Variants in DPP6 observed in about 807,000 individuals in gnomAD.
DPP6 encodes the protein A-type potassium channel modulatory protein DPP6.
In DPP6, 69 loss-of-function variants were observed where a neutral mutation model predicts 122.6. That is an observed-to-expected ratio of 0.56 (90% CI 0.46 to 0.69). The LOEUF is 0.69. Ranked by LOEUF, DPP6 falls within the 30% of genes least tolerant of loss-of-function variation. The pLI, the probability that DPP6 is intolerant of heterozygous loss-of-function variation, is 0.00. For synonymous variants in DPP6, 418 were observed against 433.1 expected, an observed-to-expected ratio of 0.97 and a Z score of 0.43; for missense variants, 928 against 1,116.9, an observed-to-expected ratio of 0.83 and a Z score of 2.41.
chr7:154,159,646 T>G (rs1470170696), intron 1 of DPP6, among the ~76,000 whole-genome samples: 2 of 152,292 alleles, frequency 1.3e-5, no homozygotes, highest in African/African-American at 4.8e-5. Flanking sequence ...AGACATGAAC[T>G]TGCGCACAAA....
intron 3 of DPP6, among the ~76,000 whole-genome samples, chr7:154,484,198 G>A (rs924551179): frequency 6.6e-6 from 1 of 152,070 alleles, no homozygotes; most frequent in African/African-American, 2.4e-5. Flanking sequence ...CCAGAAGCAG[G>A]GTGAAAGACG....
At chr7:154,341,095 A>G (rs1016695047) in intron 1 of DPP6, among the ~76,000 whole-genome samples, 2 of 152,232 alleles carry the variant, frequency 1.3e-5, no homozygotes, top group African/African-American at 4.8e-5. Context: ...CTTGTAATCA[A>G]TCACACTTAA....
At chr7:153,869,857 A>T in the DPP6 span, among the ~76,000 whole-genome samples, 1 of 152,102 alleles carries the variant, frequency 6.6e-6, no homozygotes, top group Non-Finnish European at 1.5e-5. Context: ...TGGTGACAAA[A>T]TCTCTCAGCA....
At chr7:154,549,216 G>A (rs1205246725) in intron 4 of DPP6, among the ~76,000 whole-genome samples, 4 of 152,206 alleles carry the variant, frequency 2.6e-5, no homozygotes, top group Non-Finnish European at 5.9e-5. Flanking sequence ...CAACAAAGTT[G>A]GACATGTTCC....
At chr7:154,738,774 G>T (rs1383219741) in intron 8 of DPP6, among the ~76,000 whole-genome samples, 1 of 152,228 alleles carries the variant, frequency 6.6e-6, no homozygotes, top group African/African-American at 2.4e-5. Flanking sequence ...CACAACTTAG[G>T]CTTTGCAGCC....
At chr7:154,369,459 C>G (rs1449663509) in intron 1 of DPP6, among the ~76,000 whole-genome samples, 3 of 150,720 alleles carry the variant, frequency 2.0e-5, no homozygotes, top group African/African-American at 7.3e-5. Flanking sequence ...CCTTCCGCCT[C>G]CTGGGTTCAA....
At chr7:154,454,564 G>T (rs1237067876) in intron 2 of DPP6, among the ~76,000 whole-genome samples, 1 of 152,128 alleles carries the variant, frequency 6.6e-6, no homozygotes, top group Non-Finnish European at 1.5e-5. Flanking sequence ...GCCCTCGGGG[G>T]ACAGAGGACA....
intron 1 of DPP6, among the ~76,000 whole-genome samples, chr7:154,255,193 G>C (rs1802581805): frequency 6.6e-6 from 1 of 152,018 alleles, no homozygotes. Context: ...CGGCTGTGGT[G>C]GAGGGGTGCT....
At chr7:153,883,929 T>C (rs1040836671), upstream of DPP6, among the ~76,000 whole-genome samples, 3 of 152,236 alleles carry the variant, frequency 2.0e-5, no homozygotes, top group African/African-American at 7.2e-5. Context: ...GTAGCAGGAC[T>C]GGACGCTGTT....
chr7:154,676,798 G>A (rs1204216305), intron 7 of DPP6, among the ~76,000 whole-genome samples: 1 of 152,218 alleles, frequency 6.6e-6, no homozygotes, highest in African/African-American at 2.4e-5. Context: ...AGCATTTTGA[G>A]GCAGGAACTA....
At chr7:154,676,674 G>A (rs1252048419) in intron 7 of DPP6, among the ~76,000 whole-genome samples, 2 of 152,260 alleles carry the variant, frequency 1.3e-5, no homozygotes, top group Non-Finnish European at 2.9e-5. Flanking sequence ...GGGATTTAAG[G>A]AACCAGAGAG....
chr7:154,591,598 T>C (rs6948813), intron 5 of DPP6, among the ~76,000 whole-genome samples: 91,679 of 152,070 alleles, frequency 0.6, 28,082 homozygotes, highest in African/African-American at 0.7. Context: ...GGGCGTGCAG[T>C]TCCTCAGATC....
In DPP6 at chr7:154,821,667, CAT is replaced by C. The variant is rs1563249287; in HGVS notation, c.1666+14565_1666+14566del. Among the ~76,000 whole-genome samples the C allele has an allele frequency of 7.1e-5, 10 of 140,232 alleles. No homozygotes were observed. The highest frequency in any genetic ancestry group is 4.1e-4 in the East Asian group (2 of 4,904). The allele number at this position is 140,232 out of a possible 152,430, so 92.0% of individuals were successfully genotyped here. On this transcript the variant is annotated intron_variant, in intron 16 of 25. Transcript: ENST00000377770. The surrounding 1 kb of genome is among the most constrained non-coding windows in gnomAD (Gnocchi z 4.2). ...ATATACACATATATATATATATACA[CAT>C]ATATATATACACACACATATATATA... is the stretch of plus-strand genomic sequence containing the variant.
At chr7:154,651,988 C>A (rs1200958523) in intron 6 of DPP6, among the ~76,000 whole-genome samples, 1 of 152,158 alleles carries the variant, frequency 6.6e-6, no homozygotes, top group Non-Finnish European at 1.5e-5. Flanking sequence ...CATGAAAGGT[C>A]TCAGGTATCC....
At chr7:154,590,269 T>G (rs984180862) in intron 5 of DPP6, among the ~76,000 whole-genome samples, 1 of 152,048 alleles carries the variant, frequency 6.6e-6, no homozygotes, top group Non-Finnish European at 1.5e-5. Flanking sequence ...CACCTTGGGG[T>G]AGAGATGATG....
At chr7:153,835,956 A>G in the DPP6 span, among the ~76,000 whole-genome samples, 2 of 152,174 alleles carry the variant, frequency 1.3e-5, no homozygotes, top group Non-Finnish European at 2.9e-5. Flanking sequence ...GGGAAGATAA[A>G]GGTCAAAAAG....
rs572362962 is a variant in DPP6 at position 154,281,730 on chromosome 7, C to T, written c.244-164484C>T. On this transcript the variant is annotated intron_variant, in intron 1 of 25. Transcript: ENST00000377770. ...GCAATTTTGTGTGATTTGAATAGGG[C>T]CTACTTTGCAAGGGGCCACGCAGAC... is the stretch of plus-strand genomic sequence containing the variant. 2.0e-5 allele frequency among the ~76,000 whole-genome samples: 3 copies of T among 152,196 alleles called. No individual in the cohort carries two copies. In the South Asian group the frequency reaches 6.2e-4, roughly 32 times the overall value.
intron 1 of DPP6, among the ~76,000 whole-genome samples, chr7:153,938,655 C>G (rs985655615): frequency 6.6e-6 from 1 of 152,202 alleles, no homozygotes; most frequent in Admixed American, 6.5e-5. Context: ...ATTACTGTCC[C>G]ATTTAGCCTG....
intron 8 of DPP6, among the ~76,000 whole-genome samples, chr7:154,758,335 C>T (rs1416983563): frequency 2.0e-5 from 3 of 151,532 alleles, no homozygotes; most frequent in East Asian, 1.9e-4. Context: ...TGTCCCATTA[C>T]ATTGAAATCT....
Sources: gnomAD v4.1 joint callset for allele counts (sites outside exome capture counted in the v4.1 genomes callset) on GRCh38, gnomAD v4.1.1 for gene constraint, Gnocchi (gnomAD v3.1) non-coding constraint, MANE v1.5 for transcripts, NCBI Gene and HGNC (gene_info 2026-07-23, HGNC 2026-07-21) for gene names.